The following HYAL4 variants were observed in gnomAD, a reference collection of about 807,000 sequenced individuals.
HYAL4 encodes hyaluronidase 4.
A neutral mutation model predicts 35.2 loss-of-function variants in HYAL4; 37 were observed. The ratio of observed to expected loss-of-function variants is 1.05; its 90% CI spans 0.81 to 1.38. The LOEUF (loss-of-function observed/expected upper bound fraction) is 1.38. Among genes scored for constraint, HYAL4 ranks in the 40% most tolerant of loss-of-function variants. The pLI is 0.00. For missense variants in HYAL4, 572 were observed against 572.4 expected, an observed-to-expected ratio of 1.00 and a Z score of 0.01; for synonymous variants, 198 against 203.2, an observed-to-expected ratio of 0.97 and a Z score of 0.22.
At chr7:123,836,886 G>T (rs1193162324) in intron 1 of HYAL4, among the ~76,000 whole-genome samples, 1 of 152,012 alleles carries the variant, frequency 6.6e-6, no homozygotes, top group Non-Finnish European at 1.5e-5. Context: ...AAATTAGCTG[G>T]GCGCAGTGGT....
chr7:123,844,783 T>C (rs1437520274), upstream of HYAL4, among the ~76,000 whole-genome samples: 1 of 152,134 alleles, frequency 6.6e-6, no homozygotes, highest in African/African-American at 2.4e-5. Flanking sequence ...CAGTTCAATC[T>C]CAGACTGCTG....
intron 1 of HYAL4, among the ~76,000 whole-genome samples, chr7:123,834,532 C>G (rs1025533443): frequency 2.6e-5 from 4 of 152,070 alleles, no homozygotes; most frequent in Admixed American, 2.6e-4. Context: ...CATCAGAAAA[C>G]AGTGACATTG....
chr7:123,846,955 A>G (rs1806187336), intron 1 of HYAL4, among the ~76,000 whole-genome samples: 1 of 152,016 alleles, frequency 6.6e-6, no homozygotes, highest in African/African-American at 2.4e-5. Context: ...GACAATCTCC[A>G]TTTCCCACTT....
chr7:123,783,239 A>G, the HYAL4 span, among the ~76,000 whole-genome samples: 98 of 152,322 alleles, frequency 6.4e-4, no homozygotes, highest in African/African-American at 2.2e-3. Context: ...TGAATCAGAC[A>G]TGATCCTTTA....
At chr7:123,783,736 C>T in the HYAL4 span, among the ~76,000 whole-genome samples, 1 of 152,116 alleles carries the variant, frequency 6.6e-6, no homozygotes, top group Non-Finnish European at 1.5e-5. Flanking sequence ...AACATAAAAT[C>T]TGTTTAAATA....
chr7:123,854,856 A>G (rs952810267), intron 2 of HYAL4, among the ~76,000 whole-genome samples: 2 of 152,266 alleles, frequency 1.3e-5, no homozygotes, highest in East Asian at 1.9e-4. Context: ...GTGGGAGTCT[A>G]TGTCTCTTTG....
chr7:123,855,568 CT>C (rs1806418108), intron 2 of HYAL4, among the ~76,000 whole-genome samples: 1 of 152,232 alleles, frequency 6.6e-6, no homozygotes, highest in South Asian at 2.1e-4. Context: ...AAGAGATCTA[CT>C]GTTAGTCTGA....
chr7:123,836,835 C>T (rs1351786144), intron 1 of HYAL4, among the ~76,000 whole-genome samples: 1 of 151,984 alleles, frequency 6.6e-6, no homozygotes, highest in Non-Finnish European at 1.5e-5. Context: ...CTGAAACCAG[C>T]CTGGCTGACG....
the HYAL4 span, among the ~76,000 whole-genome samples, chr7:123,793,947 T>C: frequency 6.6e-6 from 1 of 152,170 alleles, no homozygotes. Flanking sequence ...TGGAACTTCC[T>C]AGAGACTTGG....
intron 2 of HYAL4, among the ~76,000 whole-genome samples, chr7:123,851,857 A>G (rs1806312680): frequency 6.6e-6 from 1 of 152,190 alleles, no homozygotes; most frequent in Admixed American, 6.5e-5. Flanking sequence ...ATTCCCACCA[A>G]CAGTGTAAAA....
At chr7:123,828,051 TC>T (rs1805825845), upstream of HYAL4, among the ~76,000 whole-genome samples, 1 of 152,112 alleles carries the variant, frequency 6.6e-6, no homozygotes, top group Non-Finnish European at 1.5e-5. Flanking sequence ...TGATCATTAA[TC>T]TGTAGAAATG....
chr7:123,796,708 G>T, the HYAL4 span, among the ~76,000 whole-genome samples: 2 of 152,128 alleles, frequency 1.3e-5, no homozygotes, highest in Non-Finnish European at 2.9e-5. Flanking sequence ...CAGATGAATG[G>T]ATCAACAGAA....
intron 1 of HYAL4, among the ~76,000 whole-genome samples, chr7:123,829,876 AT>A (rs1805854039): frequency 6.6e-6 from 1 of 152,176 alleles, no homozygotes; most frequent in South Asian, 2.1e-4. Context: ...GCACACATAT[AT>A]TTGGTGGCTG....
chr7:123,850,413 G>C (rs1232047455), intron 2 of HYAL4, among the ~76,000 whole-genome samples: 1 of 152,008 alleles, frequency 6.6e-6, no homozygotes, highest in Non-Finnish European at 1.5e-5. Flanking sequence ...CTAATTTTTT[G>C]TATTTTTTGT....
At chr7:123,824,541 G>C (rs1353054537), upstream of HYAL4, among the ~76,000 whole-genome samples, 1 of 151,884 alleles carries the variant, frequency 6.6e-6, no homozygotes, top group Non-Finnish European at 1.5e-5. Context: ...CTGCAATTTG[G>C]TTACAGGAAA....
chr7:123,865,674 A>G (rs1293444721), intron 2 of HYAL4, among the ~76,000 whole-genome samples: 3 of 152,176 alleles, frequency 2.0e-5, no homozygotes, highest in Non-Finnish European at 2.9e-5. Flanking sequence ...AGCAGTGTCC[A>G]AGGCCTGAGA....
At chr7:123,798,406 A>G in the HYAL4 span, among the ~76,000 whole-genome samples, 386 of 152,280 alleles carry the variant, frequency 2.5e-3, 2 homozygotes, top group African/African-American at 8.6e-3. Context: ...AGAGAGAGAG[A>G]TTACCTACAA....
the HYAL4 span, among the ~76,000 whole-genome samples, chr7:123,816,676 A>G: frequency 6.6e-6 from 1 of 152,112 alleles, no homozygotes; most frequent in Non-Finnish European, 1.5e-5. Context: ...TATGCTAAGT[A>G]TCACCTCTGA....
chr7:123,766,405 G>A, the HYAL4 span, among the ~76,000 whole-genome samples: 2 of 152,036 alleles, frequency 1.3e-5, no homozygotes, highest in African/African-American at 4.8e-5. Flanking sequence ...TAAGAGATGT[G>A]GGGTTTACGA....
Sources: allele counts gnomAD v4.1 joint callset (sites outside exome capture counted in the v4.1 genomes callset), GRCh38; gene constraint gnomAD v4.1.1; transcripts MANE v1.5; gene names NCBI Gene and HGNC (gene_info 2026-07-23, HGNC 2026-07-21).